BYSL: variants seen among roughly 807,000 people sequenced by gnomAD.
BYSL encodes bystin like.
Under a neutral mutation model 45.4 loss-of-function variants are expected in BYSL, and 21 were observed. The ratio of observed to expected loss-of-function variants is 0.46; its 90% CI spans 0.33 to 0.67. The LOEUF (loss-of-function observed/expected upper bound fraction) is 0.67, where lower values mean the gene tolerates loss of function less well. Among genes scored for constraint, BYSL ranks in the 30% least tolerant of loss-of-function variants. BYSL has a pLI of 0.02. For missense variants in BYSL, 522 were observed against 578.5 expected, an observed-to-expected ratio of 0.90 and a Z score of 1.00; for synonymous variants, 215 against 231.3, an observed-to-expected ratio of 0.93 and a Z score of 0.64.
At chr6:41,923,409 G>C (rs1401080313) in intron 1 of BYSL, among the ~76,000 whole-genome samples, 1 of 150,944 alleles carries the variant, frequency 6.6e-6, no homozygotes, top group East Asian at 1.9e-4. Flanking sequence ...CAATTCTTCT[G>C]CCTCAGCCTT....
In BYSL at chr6:41,921,556, G is replaced by C; in HGVS notation, c.-7G>C. 6.4e-7 allele frequency: 1 copy of C among 1,554,900 alleles called. No homozygotes were observed. The highest frequency in any genetic ancestry group is 8.7e-7 in the Non-Finnish European group (1 of 1,149,064). On this transcript the variant is annotated 5_prime_UTR_variant, in exon 1 of 7. Transcript: ENST00000230340. ...TGCGATCCTTCCCGGCAACTTTTTC[G>C]AGAAAAATGCCCAAATTCAAGGCGG...
chr6:41,927,279 T>G, intron 1 of BYSL, 95 bp from the exon 2 acceptor site: 1 of 1,449,412 alleles, frequency 6.9e-7, no homozygotes, highest in Non-Finnish European at 9.5e-7. Flanking sequence ...CACAACCACA[T>G]GTGAGGCCTG....
upstream of BYSL, chr6:41,916,852 C>T: frequency 6.2e-7 from 1 of 1,614,136 alleles, no homozygotes; most frequent in Non-Finnish European, 8.5e-7. Flanking sequence ...TTCCTTGCTT[C>T]TCTGCCCCAA....
At chr6:41,926,729 G>T (rs1165065757) in intron 1 of BYSL, among the ~76,000 whole-genome samples, 1 of 150,774 alleles carries the variant, frequency 6.6e-6, no homozygotes, top group African/African-American at 2.4e-5. Context: ...GATTACAGGC[G>T]TGAGCCACCG....
At position 41,921,931 on chromosome 6, in the gene BYSL, AG is replaced by A. The variant is rs1423353048; in HGVS notation, c.268+105del. Reference sequence around the variant, plus strand: ...CAGGGGAATTGCTTCGAGTCAACAAAGGGGTCCGTATTACACTTGCAAAGGA... The same window carrying A: ...CAGGGGAATTGCTTCGAGTCAACAAAGGGTCCGTATTACACTTGCAAAGGA... On this transcript the variant is annotated intron_variant, in intron 1 of 6. Transcript: ENST00000230340. 7 of 1,442,696 alleles carry A rather than the reference AG, an allele frequency of 4.9e-6. No homozygotes were observed. The Admixed American group carries it at 9.8e-5, about 20-fold the overall frequency. The allele number at this position is 1,442,696 out of a possible 1,614,324, so 89.4% of individuals were successfully genotyped here.
At chr6:41,924,881 G>A (rs926836250) in intron 1 of BYSL, among the ~76,000 whole-genome samples, 1 of 152,216 alleles carries the variant, frequency 6.6e-6, no homozygotes, top group Non-Finnish European at 1.5e-5. Context: ...TGTGAAGCAT[G>A]TGAGAGACAG....
chr6:41,927,737 TA>T (rs1775583758), intron 2 of BYSL: 3 of 579,722 alleles, frequency 5.2e-6, no homozygotes, highest in Admixed American at 3.2e-5. Context: ...ATTGTGTCCT[TA>T]TGTCCATTTG....
upstream of BYSL, among the ~76,000 whole-genome samples, chr6:41,918,826 AGTCCCAG>A (rs1775383399): frequency 1.3e-5 from 2 of 150,226 alleles, no homozygotes. Context: ...GGGCGCCTGT[AGTCCCAG>A]CTACTCGGGA....
In BYSL at chr6:41,932,753, A is replaced by C; in HGVS notation, c.*47A>C. 1 of 1,551,016 alleles carries C rather than the reference A, an allele frequency of 6.4e-7. No individual in the cohort carries two copies. Among genetic ancestry groups the C allele is most frequent in the Non-Finnish European group, 8.7e-7 (1 of 1,143,042 alleles). ...GCCAAAGGGGTTTGGAAGGACACCA[A>C]GACCCCCGTTGGTGACTGAAGATGA... On this transcript the variant is annotated 3_prime_UTR_variant, in exon 7 of 7. Coordinates refer to ENST00000230340, the MANE Select transcript of BYSL (RefSeq NM_004053.4). The surrounding 1 kb of genome is among the most constrained non-coding windows in gnomAD (Gnocchi z 4.7).
chr6:41,927,319 G>T, intron 1 of BYSL, 55 bp from the exon 2 acceptor site: 1 of 1,597,808 alleles, frequency 6.3e-7, no homozygotes, highest in Non-Finnish European at 8.6e-7. Context: ...TTAAACTGAC[G>T]AAATCCCTCA....
At chr6:41,931,954 G>A in intron 6 of BYSL, 124 bp downstream of exon 6, 1 of 907,092 alleles carries the variant, frequency 1.1e-6, no homozygotes, top group Non-Finnish European at 1.8e-6. Context: ...GCTTGTTTAA[G>A]CCAATGAGTA....
Position 41,927,432 on chromosome 6 carries a change from G to C in BYSL, c.327G>C (p.Glu109Asp). Residue 109 changes from glutamate (E) to aspartate (D), a missense_variant, in exon 2 of 7, where the codon GAG (glutamate) becomes GAC (aspartate). Transcript: ENST00000230340. ...DDEDEEWPTL[E>D]KAATMTAAGH... is the part of the protein sequence containing the mutation. ...AGGACGAGGAGTGGCCCACCCTGGA[G>C]AAGGCTGCCACAATGACAGCAGCGG... 6.2e-7 allele frequency: 1 copy of C among 1,614,208 alleles called. No homozygotes were observed. Among genetic ancestry groups the C allele is most frequent in the Non-Finnish European group, 8.5e-7 (1 of 1,180,026 alleles).
At chr6:41,918,155 C>G (rs1410927999), upstream of BYSL, among the ~76,000 whole-genome samples, 1 of 152,200 alleles carries the variant, frequency 6.6e-6, no homozygotes, top group African/African-American at 2.4e-5. Context: ...GATGAATTAA[C>G]TCTCCAAATC....
chr6:41,920,740 C>T, upstream of BYSL: 4 of 402,666 alleles, frequency 9.9e-6, no homozygotes, highest in South Asian at 1.8e-4. Context: ...CACTGCACTC[C>T]AGTCTGGCGA....
intron 2 of BYSL, among the ~76,000 whole-genome samples, chr6:41,928,979 G>A (rs978131048): frequency 1.3e-5 from 2 of 152,112 alleles, no homozygotes; most frequent in South Asian, 2.1e-4. Context: ...TGTCACCCAC[G>A]CTGGAGGGCA....
Position 41,930,360 on chromosome 6 carries a change from A to G in BYSL, c.570+90A>G, listed in dbSNP as rs972640662. 13 of 1,482,152 alleles carry G rather than the reference A, an allele frequency of 8.8e-6. No homozygotes were observed. In the Admixed American group the frequency reaches 1.4e-4, roughly 16 times the overall value. 91.8% of individuals were successfully genotyped at this position (1,482,152 alleles called of 1,614,324 possible). ...CTTTTTTGCCTTTTGCCTGCATCAC[A>G]TACTAAAGAAGTCATGGGAGTAGAA... On this transcript the variant is annotated intron_variant, in intron 3 of 6. Coordinates refer to ENST00000230340, the MANE Select transcript of BYSL (RefSeq NM_004053.4).
intron 2 of BYSL, 156 bp downstream of exon 2, chr6:41,927,692 C>T: frequency 1.2e-6 from 1 of 812,318 alleles, no homozygotes; most frequent in Non-Finnish European, 1.9e-6. Context: ...CCTCAAAGGA[C>T]CACTGTGAGT....
At chr6:41,922,101 G>A (rs1775491798) in intron 1 of BYSL, among the ~76,000 whole-genome samples, 1 of 152,110 alleles carries the variant, frequency 6.6e-6, no homozygotes, top group Non-Finnish European at 1.5e-5. Context: ...AATATTTATG[G>A]GATACCCACT....
chr6:41,909,185 A>AG, the BYSL span: 6 of 1,512,646 alleles, frequency 4.0e-6, no homozygotes, highest in Middle Eastern at 2.5e-4. Flanking sequence ...AAAAAAAAAA[A>AG]AGAGAAGAAC....
Sources: allele counts gnomAD v4.1 joint callset (sites outside exome capture counted in the v4.1 genomes callset), GRCh38; gene constraint gnomAD v4.1.1; non-coding constraint Gnocchi (gnomAD v3.1); transcripts MANE v1.5; gene names NCBI Gene and HGNC (gene_info 2026-07-23, HGNC 2026-07-21).